The following HEATR5B variants were observed in gnomAD, a reference collection of about 807,000 sequenced individuals.
HEATR5B encodes the protein HEAT repeat-containing protein 5B.
In HEATR5B, 156 loss-of-function variants were observed where a neutral mutation model predicts 224.1. That is an observed-to-expected ratio of 0.70 (90% CI 0.61 to 0.80). The LOEUF (loss-of-function observed/expected upper bound fraction) is 0.80, where lower values mean the gene tolerates loss of function less well. HEATR5B is among the 30% of genes least tolerant of loss of function. The probability of loss-of-function intolerance (pLI) is 0.00; values close to 1 mark genes in which losing one functional copy is unlikely to be tolerated. For missense variants in HEATR5B, 2,323 were observed against 2,535.5 expected, an observed-to-expected ratio of 0.92 and a Z score of 1.80; for synonymous variants, 1,027 against 893.0, an observed-to-expected ratio of 1.15 and a Z score of -2.68.
intron 27 of HEATR5B, among the ~76,000 whole-genome samples, chr2:37,011,467 TTTTAA>T (rs1256113179): frequency 6.6e-6 from 1 of 152,228 alleles, no homozygotes; most frequent in Non-Finnish European, 1.5e-5. Context: ...TATAATTTTA[TTTTAA>T]TAATTATGCT....
chr2:36,984,234 AT>A (rs1558687373), intron 35 of HEATR5B, among the ~76,000 whole-genome samples: 2 of 133,390 alleles, frequency 1.5e-5, no homozygotes, highest in Non-Finnish European at 1.6e-5. Context: ...ATATATATAT[AT>A]ATAAAACTGG....
intron 26 of HEATR5B, among the ~76,000 whole-genome samples, chr2:37,014,724 A>G (rs1426913593): frequency 6.6e-6 from 1 of 151,444 alleles, no homozygotes; most frequent in Non-Finnish European, 1.5e-5. Flanking sequence ...TACACCTGTA[A>G]TCCTAGCACT....
intron 21 of HEATR5B, among the ~76,000 whole-genome samples, chr2:37,036,048 T>C (rs1199737431): frequency 2.0e-5 from 3 of 152,206 alleles, no homozygotes; most frequent in Non-Finnish European, 4.4e-5. Context: ...TTCAAATCCA[T>C]TGATTTCTCC....
intron 21 of HEATR5B, among the ~76,000 whole-genome samples, chr2:37,035,229 G>A (rs967400533): frequency 6.6e-6 from 1 of 152,132 alleles, no homozygotes; most frequent in African/African-American, 2.4e-5. Context: ...GTTATTCTCA[G>A]GTGTACTTTT....
At chr2:37,054,779 G>A (rs557704489) in intron 16 of HEATR5B, among the ~76,000 whole-genome samples, 86 of 152,058 alleles carry the variant, frequency 5.7e-4, no homozygotes, top group Middle Eastern at 3.2e-3. Flanking sequence ...CACAACGCCC[G>A]GCCCATTTCA....
intron 1 of HEATR5B, among the ~76,000 whole-genome samples, chr2:37,083,928 T>C (rs1436912390): frequency 6.6e-6 from 1 of 152,220 alleles, no homozygotes; most frequent in African/African-American, 2.4e-5. Context: ...AGACTCTTCC[T>C]ACGCGGATGG....
At chr2:37,068,270 T>C (rs771950809) in intron 8 of HEATR5B, among the ~76,000 whole-genome samples, 16 of 152,182 alleles carry the variant, frequency 1.1e-4, no homozygotes, top group Non-Finnish European at 1.9e-4. Flanking sequence ...CTAATAACCA[T>C]CTGTAATTGT....
At position 37,013,902 on chromosome 2, in the gene HEATR5B, T is replaced by C; in HGVS notation, c.4223A>G (p.Gln1408Arg). 3 of 1,613,116 alleles carry C rather than the reference T, an allele frequency of 1.9e-6. No individual in the cohort carries two copies. The highest frequency in any genetic ancestry group is 2.5e-6 in the Non-Finnish European group (3 of 1,179,506). The change falls in exon 27 of 36, where the codon CAG (glutamine) becomes CGG (arginine). Residue 1408 changes from glutamine (Q) to arginine (R), a missense_variant. This residue lies in a region of HEATR5B where 844 missense variants were observed against 812.9 expected (regional missense o/e 1.04). Coordinates refer to ENST00000233099, the MANE Select transcript of HEATR5B (RefSeq NM_019024.3). ...KVQAGKGSSSQLYRESATTME... is the reference protein window; with the variant it reads ...KVQAGKGSSSRLYRESATTME... ...GGTCGTGGCACTCTCTCGGTACAGC[T>C]GGCTGGAAGATCCTTTTCCAGCCTG...
At chr2:36,988,896 ATAGTTCT>A in intron 34 of HEATR5B, 37 bp from the exon 35 acceptor site, 1 of 1,456,122 alleles carries the variant, frequency 6.9e-7, no homozygotes, top group Middle Eastern at 1.7e-4. Context: ...TAACATGTGT[ATAGTTCT>A]TATTTGCTCT....
chr2:36,999,996 A>G (rs987087242), intron 33 of HEATR5B, among the ~76,000 whole-genome samples: 1 of 151,926 alleles, frequency 6.6e-6, no homozygotes, highest in Non-Finnish European at 1.5e-5. Context: ...TGGGTGACGG[A>G]GCGAGACTTT....
Position 36,990,405 on chromosome 2 carries a change from T to C in HEATR5B, c.5697+243A>G, listed in dbSNP as rs138210806. ...GAAAACATAATCATAGACTCTTGTCTCTACCAGTATGCCCTGGGGTTAATC... is the reference window on the plus strand; with the variant it reads ...GAAAACATAATCATAGACTCTTGTCCCTACCAGTATGCCCTGGGGTTAATC... On this transcript the variant is annotated intron_variant, in intron 34 of 35. Coordinates refer to ENST00000233099, the MANE Select transcript of HEATR5B (RefSeq NM_019024.3). Among the ~76,000 whole-genome samples the C allele has an allele frequency of 1.5e-4, 23 of 152,190 alleles. No homozygotes were observed. The East Asian group carries it at 4.5e-3, about 30-fold the overall frequency.
In HEATR5B at chr2:37,057,341, A is replaced by C. The variant is rs1670976040; in HGVS notation, c.2199T>G (p.Thr733=). The change falls in exon 15 of 36, where the codon ACT becomes ACG. Residue 733 remains threonine (T), a synonymous_variant. Coordinates refer to ENST00000233099, the MANE Select transcript of HEATR5B (RefSeq NM_019024.3). The stretch of plus-strand genomic sequence containing the variant: ...CCTGGTCTTCAATTGATTTATGATC[A>C]GTTTCCTGAAGCCAAGAACCAAGAA... ...SVLLGSWLQE[T]DHKSIEDQLQ... is the part of the protein sequence containing the mutation. 6.2e-7 allele frequency: 1 copy of C among 1,605,760 alleles called. No individual in the cohort carries two copies. Among genetic ancestry groups the C allele is most frequent in the Non-Finnish European group, 8.5e-7 (1 of 1,177,490 alleles).
intron 9 of HEATR5B, 38 bp from the exon 10 acceptor site, chr2:37,065,028 A>G (rs757343209): frequency 1.9e-6 from 3 of 1,592,818 alleles, no homozygotes; most frequent in Non-Finnish European, 2.6e-6. Context: ...TCTTTAATGA[A>G]GTCAAATGAT....
At chr2:37,077,335 G>C (rs182790146) in intron 3 of HEATR5B, among the ~76,000 whole-genome samples, 47 of 151,898 alleles carry the variant, frequency 3.1e-4, no homozygotes, top group African/African-American at 1.1e-3. Context: ...GGGAGACAAA[G>C]TCTCACTCTG....
chr2:37,061,943 A>C lies in HEATR5B; in HGVS notation c.1692T>G (p.Thr564=). 6.3e-7 allele frequency: 1 copy of C among 1,599,466 alleles called. No homozygotes were observed. The change falls in exon 11 of 36, where the codon ACT becomes ACG. Residue 564 remains threonine, a synonymous_variant. Transcript: ENST00000233099. ...CCTACTCAAATATAATTATACCTAAAGTCATAAGTGCTCCAAGTAAAAGCC... is the reference window on the plus strand; with the variant it reads ...CCTACTCAAATATAATTATACCTAACGTCATAAGTGCTCCAAGTAAAAGCC... ...AGWLLLGALM[T]LGPSVVRYHL...
chr2:37,051,063 T>A (rs13415007), intron 17 of HEATR5B, among the ~76,000 whole-genome samples: 70,577 of 147,156 alleles, frequency 0.48, 17,062 homozygotes, highest in African/African-American at 0.57. Flanking sequence ...ATAAATAAAC[T>A]AACAAATGAG....
At chr2:37,077,295 G>T (rs1316019787) in intron 3 of HEATR5B, among the ~76,000 whole-genome samples, 3 of 151,952 alleles carry the variant, frequency 2.0e-5, no homozygotes, top group Non-Finnish European at 4.4e-5. Context: ...TCTTTGGGAA[G>T]AAATCCAAGC....
At chr2:37,059,358 T>A (rs1671108930) in intron 12 of HEATR5B, among the ~76,000 whole-genome samples, 1 of 148,032 alleles carries the variant, frequency 6.8e-6, no homozygotes, top group South Asian at 2.1e-4. Context: ...CATGAAATTT[T>A]TACATATATT....
At chr2:37,064,121 A>G (rs1671446349) in intron 10 of HEATR5B, among the ~76,000 whole-genome samples, 1 of 152,126 alleles carries the variant, frequency 6.6e-6, no homozygotes, top group Non-Finnish European at 1.5e-5. Flanking sequence ...GCCATGATTT[A>G]TTAAAACCAC....
Sources: allele counts gnomAD v4.1 joint callset (sites outside exome capture counted in the v4.1 genomes callset), GRCh38; gene constraint gnomAD v4.1.1; regional missense constraint gnomAD v4.1.1; transcripts MANE v1.5; gene names NCBI Gene and HGNC (gene_info 2026-07-23, HGNC 2026-07-21).